Variants in PAK2 observed in about 807,000 individuals in gnomAD.
PAK2 encodes the protein serine/threonine-protein kinase PAK 2.
A neutral mutation model predicts 65.9 loss-of-function variants in PAK2; 21 were observed. That is an observed-to-expected ratio of 0.32 (90% CI 0.23 to 0.46). The LOEUF (loss-of-function observed/expected upper bound fraction) is 0.46, where lower values mean the gene tolerates loss of function less well. Among genes scored for constraint, PAK2 ranks in the 20% least tolerant of loss-of-function variants. The pLI is 1.00. For missense variants in PAK2, 324 were observed against 642.6 expected (o/e 0.50, Z 5.36); for synonymous variants, 204 against 219.7 (o/e 0.93, Z 0.63).
chr3:196,809,779 T>C (rs563807791), intron 7 of PAK2, among the ~76,000 whole-genome samples: 1 of 152,230 alleles, frequency 6.6e-6, no homozygotes, highest in Admixed American at 6.6e-5. Flanking sequence ...CCTGTTTCTT[T>C]GCTTGTTGAC....
intron 1 of PAK2, among the ~76,000 whole-genome samples, chr3:196,745,497 T>C (rs1713345513): frequency 6.6e-6 from 1 of 152,084 alleles, no homozygotes; most frequent in Non-Finnish European, 1.5e-5. Context: ...AAAATAGTTT[T>C]GCTACAGAAA....
chr3:196,805,288 T>C (rs1246968913), intron 4 of PAK2, 64 bp from the exon 5 acceptor site: 10 of 813,042 alleles, frequency 1.2e-5, no homozygotes, highest in East Asian at 2.7e-5. Flanking sequence ...TTTTTTTTTT[T>C]CCTTTTATCA....
intron 12 of PAK2, among the ~76,000 whole-genome samples, chr3:196,818,656 G>A (rs950792715): frequency 5.9e-5 from 9 of 152,102 alleles, no homozygotes; most frequent in Admixed American, 3.3e-4. Context: ...GTGAGCCACC[G>A]CGGCTGGCCA....
At chr3:196,817,699 A>C (rs542121066) in intron 11 of PAK2, among the ~76,000 whole-genome samples, 21 of 152,160 alleles carry the variant, frequency 1.4e-4, no homozygotes, top group African/African-American at 4.8e-4. Flanking sequence ...GGGTTTTGCC[A>C]TGTTGGCCAG....
intron 2 of PAK2, among the ~76,000 whole-genome samples, chr3:196,799,450 C>T (rs1262345959): frequency 6.6e-6 from 1 of 152,084 alleles, no homozygotes; most frequent in Non-Finnish European, 1.5e-5. Context: ...CTTCAAGAGG[C>T]GACGCGAGTG....
intron 7 of PAK2, among the ~76,000 whole-genome samples, chr3:196,809,840 G>T (rs932211493): frequency 6.6e-6 from 1 of 151,788 alleles, no homozygotes; most frequent in Non-Finnish European, 1.5e-5. Flanking sequence ...CCTTGATATG[G>T]TCCTGTCCTT....
intron 2 of PAK2, among the ~76,000 whole-genome samples, chr3:196,797,803 G>T (rs952967144): frequency 8.6e-5 from 13 of 152,018 alleles, no homozygotes; most frequent in Non-Finnish European, 1.9e-4. Context: ...GTGTTCTTGT[G>T]ATCATAATAT....
Position 196,740,057 on chromosome 3 carries a change from C to T in PAK2, c.-122C>T, listed in dbSNP as rs1016447157. On this transcript the variant is annotated 5_prime_UTR_variant, in exon 1 of 15. Coordinates refer to ENST00000327134, the MANE Select transcript of PAK2 (RefSeq NM_002577.4). ...CCCGCCCCGCTTCCCCTTCCCTCCC[C>T]TCCCCTCCCCGCACCGCGCGCTAGC... is the stretch of plus-strand genomic sequence containing the variant. 1 of 152,172 alleles carries T rather than the reference C, an allele frequency of 6.6e-6. No individual in the cohort carries two copies. The highest frequency in any genetic ancestry group is 1.5e-5 in the Non-Finnish European group (1 of 68,020). 9.4% of individuals were successfully genotyped at this position (152,172 alleles called of 1,614,324 possible).
intron 1 of PAK2, among the ~76,000 whole-genome samples, chr3:196,746,740 G>A (rs1713393030): frequency 1.3e-5 from 2 of 151,690 alleles, no homozygotes; most frequent in Non-Finnish European, 2.9e-5. Context: ...AACCCGGGAG[G>A]CGGAGGTTGC....
At position 196,807,871 on chromosome 3, in the gene PAK2, AAAG is replaced by A; in HGVS notation, c.671_673del (p.Lys224del). ...CTGCCAAGTCTTTAGACAAACAGAAAAAGAAGACTAAGATGACAGATGAAGAGA... is the reference window on the plus strand; with the variant it reads ...CTGCCAAGTCTTTAGACAAACAGAAAAAGACTAAGATGACAGATGAAGAGA... On this transcript the variant is annotated inframe_deletion, in exon 7 of 15. Coordinates refer to ENST00000327134, the MANE Select transcript of PAK2 (RefSeq NM_002577.4). 2.5e-6 allele frequency: 4 copies of A among 1,606,316 alleles called. No homozygotes were observed. The highest frequency in any genetic ancestry group is 3.4e-6 in the Non-Finnish European group (4 of 1,172,970).
At chr3:196,786,649 G>T (rs1412673061) in intron 2 of PAK2, among the ~76,000 whole-genome samples, 1 of 151,902 alleles carries the variant, frequency 6.6e-6, no homozygotes, top group Non-Finnish European at 1.5e-5. Context: ...TTTAAACTTG[G>T]ATAGTATCCC....
intron 2 of PAK2, among the ~76,000 whole-genome samples, chr3:196,794,843 C>G (rs972207942): frequency 6.6e-6 from 1 of 152,162 alleles, no homozygotes; most frequent in Non-Finnish European, 1.5e-5. Flanking sequence ...ACTCCTCTCT[C>G]CCATTTAGGA....
chr3:196,798,120 T>C (rs1234958054), intron 2 of PAK2, among the ~76,000 whole-genome samples: 6 of 151,634 alleles, frequency 4.0e-5, no homozygotes, highest in Non-Finnish European at 1.5e-5. Flanking sequence ...TGGGAATAAA[T>C]GAAATAGGGG....
At position 196,794,063 on chromosome 3, in the gene PAK2, G is replaced by A. The variant is rs532395978; in HGVS notation, c.188-7864G>A. ...GGAGAATCACTTGAACCTGGGAGGC[G>A]GAGGTTGCAGTGAGCCAAGATTGCG... On this transcript the variant is annotated intron_variant, in intron 2 of 14. Coordinates refer to ENST00000327134, the MANE Select transcript of PAK2 (RefSeq NM_002577.4). Among the ~76,000 whole-genome samples the A allele has an allele frequency of 1.3e-4, 20 of 152,196 alleles. 2 individuals are homozygous for A. The highest frequency in any genetic ancestry group is 9.8e-4 in the Admixed American group (15 of 15,294).
chr3:196,812,172 T>G lies in PAK2; in HGVS notation c.774-47T>G, dbSNP rs747122238. 7.9e-6 allele frequency: 8 copies of G among 1,017,504 alleles called. No homozygotes were observed. The South Asian group carries it at 1.0e-4, about 13-fold the overall frequency. 63.0% of individuals were successfully genotyped at this position (1,017,504 alleles called of 1,614,324 possible). A position where few individuals can be genotyped will look rare whatever the true frequency, so the allele number is the denominator to read the frequency against. On this transcript the variant is annotated intron_variant, in intron 8 of 14. Coordinates refer to ENST00000327134, the MANE Select transcript of PAK2 (RefSeq NM_002577.4). ...TAAAGTCTTTGGATATTGCAAATGCTAGTGATTTATCAACCTTAAATCTGG... is the reference window on the plus strand; with the variant it reads ...TAAAGTCTTTGGATATTGCAAATGCGAGTGATTTATCAACCTTAAATCTGG...
Position 196,806,612 on chromosome 3 carries a change from G to A in PAK2, c.502G>A (p.Val168Met), listed in dbSNP as rs766648240. ...CAAGGGAACAGAAGCACCCGCAGTA[G>A]TGACAGAGGAGGAGGATGATGATGA... Reference protein sequence around the residue: ...NAKGTEAPAVVTEEEDDDEET... With the variant: ...NAKGTEAPAVMTEEEDDDEET... Residue 168 changes from valine (V) to methionine (M), a missense_variant, in exon 6 of 15, where the codon GTG becomes ATG. Physicochemically the swap from Val to Met is conservative, Grantham distance 21 (BLOSUM62 1). This residue lies in a region of PAK2 where 183 missense variants were observed against 246.2 expected (regional missense o/e 0.74). Coordinates refer to ENST00000327134, the MANE Select transcript of PAK2 (RefSeq NM_002577.4). The A allele has an allele frequency of 6.2e-7, 1 of 1,613,206 alleles. No homozygotes were observed. Among genetic ancestry groups the A allele is most frequent in the Non-Finnish European group, 8.5e-7 (1 of 1,179,208 alleles).
chr3:196,789,518 A>G (rs1359018166), intron 2 of PAK2, among the ~76,000 whole-genome samples: 1 of 150,898 alleles, frequency 6.6e-6, no homozygotes, highest in African/African-American at 2.5e-5. Context: ...GCTGGAATGC[A>G]ATGGCGTGGT....
chr3:196,745,282 A>ATTTTTTTTTTTTT (rs34194625), intron 1 of PAK2, among the ~76,000 whole-genome samples: 2 of 92,774 alleles, frequency 2.2e-5, no homozygotes, highest in African/African-American at 4.5e-5. Context: ...CACCCAACTG[A>ATTTTTTTTTTTTT]TTTTTTTTTT....
rs1170092442 is a variant in PAK2, at chr3:196,767,723, T to C, written c.-21-14903T>C. Among the ~76,000 whole-genome samples, 9 of 152,136 alleles carry C rather than the reference T, an allele frequency of 5.9e-5. No individual in the cohort carries two copies. In the East Asian group the frequency reaches 1.3e-3, roughly 23 times the overall value. ...GTTAGCCAGGATGGTCTCGATCTCC[T>C]GACCTCGTGATCCGCCCGCTTCGGC... On this transcript the variant is annotated intron_variant, in intron 1 of 14. Coordinates refer to ENST00000327134, the MANE Select transcript of PAK2 (RefSeq NM_002577.4).
Sources: allele counts gnomAD v4.1 joint callset (sites outside exome capture counted in the v4.1 genomes callset), GRCh38; gene constraint gnomAD v4.1.1; regional missense constraint gnomAD v4.1.1; transcripts MANE v1.5; gene names NCBI Gene and HGNC (gene_info 2026-07-23, HGNC 2026-07-21).